The following HS3ST5 variants were observed in gnomAD, a reference collection of about 807,000 sequenced individuals.
HS3ST5 encodes the protein heparan sulfate-glucosamine 3-sulfotransferase 5, also known as heparan sulfate glucosamine 3-O-sulfotransferase 5.
HS3ST5 carries 10 observed loss-of-function variants against 25.4 expected under a neutral mutation model. The observed-to-expected ratio is 0.39, with a 90% CI of 0.24 to 0.67. The LOEUF (loss-of-function observed/expected upper bound fraction) is 0.67, where lower values mean the gene tolerates loss of function less well. HS3ST5 is among the 30% of genes least tolerant of loss of function. HS3ST5 has a pLI of 0.44. For missense variants in HS3ST5, 324 were observed against 420.7 expected (o/e 0.77, Z 2.01); for synonymous variants, 170 against 162.4 (o/e 1.05, Z -0.36).
intron 1 of HS3ST5, among the ~76,000 whole-genome samples, chr6:114,231,592 C>T (rs1363735807): frequency 6.6e-6 from 1 of 151,988 alleles, no homozygotes; most frequent in African/African-American, 2.4e-5. Flanking sequence ...CCTTTCTGAA[C>T]GCTCTAGGTG....
intron 1 of HS3ST5, among the ~76,000 whole-genome samples, chr6:114,243,467 C>T (rs1192381256): frequency 1.3e-5 from 2 of 152,186 alleles, no homozygotes; most frequent in African/African-American, 4.8e-5. Flanking sequence ...ATTCAACCTA[C>T]AAGTATAACT....
chr6:114,192,422 G>C (rs1168514946), intron 2 of HS3ST5, among the ~76,000 whole-genome samples: 2 of 152,138 alleles, frequency 1.3e-5, no homozygotes. Context: ...GCTGTTAAGA[G>C]GCAAGAGTAC....
intron 3 of HS3ST5, among the ~76,000 whole-genome samples, chr6:114,156,401 G>T (rs570082876): frequency 6.6e-6 from 1 of 152,336 alleles, no homozygotes; most frequent in South Asian, 2.1e-4. Context: ...AACAGTGATG[G>T]AAAACCTGTT....
chr6:114,138,889 G>A (rs1777767028), intron 3 of HS3ST5, among the ~76,000 whole-genome samples: 1 of 152,170 alleles, frequency 6.6e-6, no homozygotes, highest in Non-Finnish European at 1.5e-5. Context: ...CTAGTTCACA[G>A]AAGGCATCTT....
In HS3ST5 at chr6:114,055,812, T is replaced by G. The variant is rs1298797326; in HGVS notation, c.*1445A>C. 2 of 152,194 alleles carry G rather than the reference T, an allele frequency of 1.3e-5. No homozygotes were observed. Among genetic ancestry groups the G allele is most frequent in the African/African-American group, 4.8e-5 (2 of 41,454 alleles). 9.4% of individuals were successfully genotyped at this position (152,194 alleles called of 1,614,324 possible). A position where few individuals can be genotyped will look rare whatever the true frequency, so the allele number is the denominator to read the frequency against. Reference sequence around the variant, plus strand: ...GATTGTGAGAAAAAAAAAATCCATCTTTTTGTTGTCGTTGTTAATACCCCT... The same window carrying G: ...GATTGTGAGAAAAAAAAAATCCATCGTTTTGTTGTCGTTGTTAATACCCCT... On this transcript the variant is annotated 3_prime_UTR_variant, in exon 5 of 5. Coordinates refer to ENST00000312719, the MANE Select transcript of HS3ST5 (RefSeq NM_153612.4).
intron 1 of HS3ST5, among the ~76,000 whole-genome samples, chr6:114,279,657 A>T (rs745558464): frequency 7.7e-4 from 117 of 152,104 alleles, no homozygotes; most frequent in African/African-American, 2.0e-3. Context: ...TGGTCAGGAC[A>T]TGGCCCCGGT....
chr6:114,135,210 G>A (rs1777533741), intron 3 of HS3ST5, among the ~76,000 whole-genome samples: 1 of 152,208 alleles, frequency 6.6e-6, no homozygotes, highest in Admixed American at 6.5e-5. Flanking sequence ...CTTCCTATAG[G>A]TGGTTGCAAA....
Position 114,289,697 on chromosome 6 carries a change from G to A in HS3ST5, c.-339+52498C>T, listed in dbSNP as rs754628555. Among the ~76,000 whole-genome samples the A allele has an allele frequency of 2.4e-4, 37 of 152,068 alleles. 1 individual carries two copies. Among genetic ancestry groups the A allele is most frequent in the Non-Finnish European group, 8.8e-5 (6 of 68,012 alleles). ...CTCCTCAGGAAGACTGTAAAGAAAA[G>A]TAATTTCCAGAACCCACTTGCTCAC... On this transcript the variant is annotated intron_variant, in intron 1 of 4. Coordinates refer to ENST00000312719, the MANE Select transcript of HS3ST5 (RefSeq NM_153612.4).
chr6:114,147,276 A>G (rs1778216631), intron 3 of HS3ST5, among the ~76,000 whole-genome samples: 1 of 152,208 alleles, frequency 6.6e-6, no homozygotes, highest in Non-Finnish European at 1.5e-5. Context: ...TGAGGATGCC[A>G]CAGACTATTT....
intron 1 of HS3ST5, among the ~76,000 whole-genome samples, chr6:114,308,357 G>A (rs770926227): frequency 8.6e-5 from 13 of 152,030 alleles, no homozygotes; most frequent in Admixed American, 2.0e-4. Flanking sequence ...AGGCCGAGGC[G>A]GGCAGATCAC....
intron 2 of HS3ST5, among the ~76,000 whole-genome samples, chr6:114,199,751 T>G (rs997335413): frequency 6.6e-6 from 1 of 152,226 alleles, no homozygotes; most frequent in Non-Finnish European, 1.5e-5. Context: ...TAGATAGGCC[T>G]TTTGTCAGCT....
intron 3 of HS3ST5, chr6:114,116,294 A>G (rs941043068): frequency 6.6e-6 from 1 of 152,166 alleles, no homozygotes; most frequent in African/African-American, 2.4e-5. Flanking sequence ...AAGGAATACA[A>G]TTCTCTAAAG....
intron 1 of HS3ST5, among the ~76,000 whole-genome samples, chr6:114,293,721 A>G (rs1340947320): frequency 2.6e-5 from 4 of 152,244 alleles, no homozygotes; most frequent in Non-Finnish European, 5.9e-5. Flanking sequence ...GCTGACAGAT[A>G]CTACCTTGGA....
intron 2 of HS3ST5, among the ~76,000 whole-genome samples, chr6:114,214,913 T>C (rs1781680906): frequency 6.6e-6 from 1 of 152,298 alleles, no homozygotes; most frequent in Middle Eastern, 3.4e-3. Context: ...TCATGTATCC[T>C]GTGACAGGGA....
intron 2 of HS3ST5, among the ~76,000 whole-genome samples, chr6:114,191,229 C>G (rs192746355): frequency 1.4e-3 from 206 of 152,302 alleles, no homozygotes; most frequent in African/African-American, 4.8e-3. Flanking sequence ...TGTGCTCTCT[C>G]TCTCTCTTTT....
At chr6:114,189,346 A>C (rs892964694) in intron 2 of HS3ST5, among the ~76,000 whole-genome samples, 1 of 151,996 alleles carries the variant, frequency 6.6e-6, no homozygotes, top group African/African-American at 2.4e-5. Context: ...AAATTTCCTA[A>C]TAAATGTGGT....
Position 114,226,651 on chromosome 6 carries a change from T to C in HS3ST5, c.-145+1934A>G, listed in dbSNP as rs549289279. Among the ~76,000 whole-genome samples the C allele has an allele frequency of 3.9e-5, 6 of 152,108 alleles. No individual in the cohort carries two copies. The East Asian group carries it at 1.2e-3, about 29-fold the overall frequency. On this transcript the variant is annotated intron_variant, in intron 2 of 4. Coordinates refer to ENST00000312719, the MANE Select transcript of HS3ST5 (RefSeq NM_153612.4). ...ATGGTCCATTTCTGCTCTAAAACTT[T>C]ATGTTTCTATGATTCTATAAAGTTT...
chr6:114,277,538 A>G (rs1001931013), intron 1 of HS3ST5, among the ~76,000 whole-genome samples: 1 of 151,788 alleles, frequency 6.6e-6, no homozygotes, highest in Non-Finnish European at 1.5e-5. Flanking sequence ...ATTTTTTTGT[A>G]TAAATGCAAA....
chr6:114,117,411 G>A (rs1776584704), intron 3 of HS3ST5, among the ~76,000 whole-genome samples: 1 of 152,114 alleles, frequency 6.6e-6, no homozygotes, highest in African/African-American at 2.4e-5. Context: ...TCTTAGTGTG[G>A]TGACATTGGG....
Sources: gnomAD v4.1 joint callset for allele counts (sites outside exome capture counted in the v4.1 genomes callset) on GRCh38, gnomAD v4.1.1 for gene constraint, MANE v1.5 for transcripts, NCBI Gene and HGNC (gene_info 2026-07-23, HGNC 2026-07-21) for gene names.